The following AGMO variants were observed in gnomAD, a reference collection of about 807,000 sequenced individuals.
AGMO encodes alkylglycerol monooxygenase, also known as glyceryl-ether monooxygenase.
In AGMO, 75 loss-of-function variants were observed where a neutral mutation model predicts 60.2. The observed-to-expected ratio is 1.25, with a 90% CI of 1.03 to 1.51. AGMO has a LOEUF of 1.51. Ranked by LOEUF, AGMO falls within the 40% of genes most tolerant of loss-of-function variation. The pLI is 0.00. For missense variants in AGMO, 763 were observed against 525.5 expected (o/e 1.45, Z -4.42); for synonymous variants, 261 against 177.1 (o/e 1.47, Z -3.76).
chr7:15,217,350 T>A (rs189942934), intron 12 of AGMO, among the ~76,000 whole-genome samples: 47 of 143,104 alleles, frequency 3.3e-4, no homozygotes, highest in African/African-American at 1.1e-3. Flanking sequence ...ACATACATAA[T>A]CTCTCTCTCT....
At chr7:15,535,351 C>G (rs1049164095) in intron 3 of AGMO, among the ~76,000 whole-genome samples, 3 of 151,482 alleles carry the variant, frequency 2.0e-5, no homozygotes, top group Admixed American at 1.3e-4. Flanking sequence ...TTCTTTTTAC[C>G]TTTGGAATAA....
chr7:15,369,141 A>G (rs907593111), intron 10 of AGMO, among the ~76,000 whole-genome samples: 23 of 152,088 alleles, frequency 1.5e-4, no homozygotes, highest in Non-Finnish European at 2.9e-5. Flanking sequence ...GAATAAAAGC[A>G]TGTGTTACAA....
chr7:15,335,489 G>T (rs1781629294), intron 12 of AGMO, among the ~76,000 whole-genome samples: 1 of 152,084 alleles, frequency 6.6e-6, no homozygotes, highest in Non-Finnish European at 1.5e-5. Flanking sequence ...TTTGGCTTCA[G>T]TGATTTTATG....
chr7:15,350,395 C>A (rs182344588), intron 12 of AGMO, among the ~76,000 whole-genome samples: 102 of 152,166 alleles, frequency 6.7e-4, no homozygotes, highest in Admixed American at 4.1e-3. Context: ...CCATCAATGT[C>A]CTTGGAGTAT....
chr7:15,511,140 C>T (rs1397448436), intron 3 of AGMO, among the ~76,000 whole-genome samples: 1 of 152,060 alleles, frequency 6.6e-6, no homozygotes, highest in Non-Finnish European at 1.5e-5. Context: ...GGTTGGAGCT[C>T]ATCCTGGCAG....
At chr7:15,477,680 T>G (rs1007270534) in intron 3 of AGMO, among the ~76,000 whole-genome samples, 1 of 152,178 alleles carries the variant, frequency 6.6e-6, no homozygotes, top group Non-Finnish European at 1.5e-5. Context: ...GATATCAAAT[T>G]TGTTACCATT....
At chr7:15,465,170 G>A (rs1008440670) in intron 3 of AGMO, among the ~76,000 whole-genome samples, 9 of 151,764 alleles carry the variant, frequency 5.9e-5, no homozygotes, top group African/African-American at 1.9e-4. Context: ...CCCTACTTTC[G>A]ACAAGCTAAG....
intron 12 of AGMO, among the ~76,000 whole-genome samples, chr7:15,316,459 G>T (rs1040528785): frequency 2.6e-5 from 4 of 152,134 alleles, no homozygotes; most frequent in African/African-American, 9.7e-5. Flanking sequence ...CTGAAACAAA[G>T]ATCTACTCAG....
the AGMO span, among the ~76,000 whole-genome samples, chr7:15,134,791 G>C: frequency 6.8e-6 from 1 of 146,792 alleles, no homozygotes; most frequent in Non-Finnish European, 1.5e-5. Flanking sequence ...AAAGCAGTTT[G>C]ATAGTGAAAT....
chr7:15,365,578 A>G lies in AGMO; in HGVS notation c.1199T>C (p.Phe400Ser). The stretch of plus-strand genomic sequence containing the variant: ...GTGACCAAATCGGTACAGCATTAAG[A>G]ACATCAAGCAACGGAGAGTTTCCAT... Reference protein sequence around the residue: ...AIMETLRCLMFLMLYRFGHLK... With the variant: ...AIMETLRCLMSLMLYRFGHLK... Residue 400 changes from phenylalanine to serine, a missense_variant, in exon 12 of 13, where the codon TTC (phenylalanine) becomes TCC (serine). Physicochemically the swap from Phe to Ser is radical, Grantham distance 155. Transcript: ENST00000342526. 1 of 1,612,910 alleles carries G rather than the reference A, an allele frequency of 6.2e-7. No individual in the cohort carries two copies. Among genetic ancestry groups the G allele is most frequent in the Non-Finnish European group, 8.5e-7 (1 of 1,179,128 alleles).
At chr7:15,143,562 C>G in the AGMO span, among the ~76,000 whole-genome samples, 1 of 152,060 alleles carries the variant, frequency 6.6e-6, no homozygotes, top group Non-Finnish European at 1.5e-5. Flanking sequence ...TAAATATTTA[C>G]ACTTTAAATA....
intron 5 of AGMO, among the ~76,000 whole-genome samples, chr7:15,410,455 C>A (rs960565516): frequency 2.0e-4 from 30 of 151,738 alleles, no homozygotes; most frequent in East Asian, 7.7e-4. Context: ...GTTAAGAATG[C>A]AATTTTTTTC....
At chr7:15,240,480 C>CT (rs1782557366) in intron 12 of AGMO, among the ~76,000 whole-genome samples, 1 of 152,134 alleles carries the variant, frequency 6.6e-6, no homozygotes, top group Admixed American at 6.5e-5. Context: ...CTATCATTTT[C>CT]TTTCATACAC....
intron 12 of AGMO, among the ~76,000 whole-genome samples, chr7:15,296,258 G>A (rs1441923286): frequency 6.6e-6 from 1 of 152,048 alleles, no homozygotes; most frequent in Non-Finnish European, 1.5e-5. Flanking sequence ...TCCACTCTCT[G>A]CAAAAATAGA....
chr7:15,216,444 A>G (rs909285005), intron 12 of AGMO, among the ~76,000 whole-genome samples: 3 of 152,092 alleles, frequency 2.0e-5, no homozygotes, highest in Non-Finnish European at 2.9e-5. Context: ...GGTAAGTAAC[A>G]CTAAAATCCA....
the AGMO span, among the ~76,000 whole-genome samples, chr7:15,145,882 T>C: frequency 6.6e-6 from 1 of 152,168 alleles, no homozygotes; most frequent in African/African-American, 2.4e-5. Context: ...TTCAAATGTT[T>C]GGTATAGTAT....
chr7:15,320,996 C>T (rs1781092108), intron 12 of AGMO, among the ~76,000 whole-genome samples: 1 of 152,170 alleles, frequency 6.6e-6, no homozygotes, highest in African/African-American at 2.4e-5. Flanking sequence ...CAACCACCCA[C>T]TCACCCTGTC....
intron 3 of AGMO, among the ~76,000 whole-genome samples, chr7:15,444,250 G>A (rs548134042): frequency 2.2e-4 from 33 of 152,018 alleles, no homozygotes; most frequent in African/African-American, 7.5e-4. Context: ...ATGTATTTTT[G>A]TTAGCAAAAT....
intron 8 of AGMO, among the ~76,000 whole-genome samples, chr7:15,389,277 C>CCAA (rs778578029): frequency 4.7e-5 from 7 of 148,956 alleles, no homozygotes; most frequent in Non-Finnish European, 1.0e-4. Flanking sequence ...GTTTGCAAAG[C>CCAA]TCTGCCCCTA....
Sources: gnomAD v4.1 joint callset for allele counts (sites outside exome capture counted in the v4.1 genomes callset) on GRCh38, gnomAD v4.1.1 for gene constraint, MANE v1.5 for transcripts, NCBI Gene and HGNC (gene_info 2026-07-23, HGNC 2026-07-21) for gene names.